The following HCN1 variants were observed in gnomAD, a reference collection of about 807,000 sequenced individuals.
The protein encoded by HCN1 is hyperpolarization activated cyclic nucleotide gated potassium channel 1, also known as potassium/sodium hyperpolarization-activated cyclic nucleotide-gated channel 1.
HCN1 carries 13 observed loss-of-function variants against 78.9 expected under a neutral mutation model. The observed-to-expected ratio is 0.16, with a 90% confidence interval of 0.11 to 0.26. The LOEUF (loss-of-function observed/expected upper bound fraction) is 0.26, where lower values mean the gene tolerates loss of function less well. HCN1 is among the 10% of genes least tolerant of loss of function. The pLI is 1.00. For synonymous variants in HCN1, 552 were observed against 455.5 expected, an observed-to-expected ratio of 1.21 and a Z score of -2.70; for missense variants, 810 against 1,154.3, an observed-to-expected ratio of 0.70 and a Z score of 4.32.
At chr5:45,670,220 G>T (rs1460041656) in intron 1 of HCN1, among the ~76,000 whole-genome samples, 1 of 151,454 alleles carries the variant, frequency 6.6e-6, no homozygotes, top group Non-Finnish European at 1.5e-5. Context: ...GGAACAAAGT[G>T]AAACAAACAA....
intron 5 of HCN1, among the ~76,000 whole-genome samples, chr5:45,320,055 T>G (rs1293751736): frequency 6.6e-6 from 1 of 151,842 alleles, no homozygotes; most frequent in Non-Finnish European, 1.5e-5. Flanking sequence ...AAATGAATCA[T>G]AGAGTAATCT....
intron 2 of HCN1, among the ~76,000 whole-genome samples, chr5:45,496,334 G>A (rs1479010291): frequency 6.6e-6 from 1 of 151,700 alleles, no homozygotes; most frequent in South Asian, 2.1e-4. Flanking sequence ...TCTTGGGAGA[G>A]TGTATGTGTC....
Position 45,695,955 on chromosome 5 carries a change from C to A in HCN1, c.139G>T (p.Gly47Trp). The change falls in exon 1 of 8, where the codon GGG (glycine) becomes TGG (tryptophan). Residue 47 changes from glycine (G) to tryptophan (W), a missense_variant. Physicochemically the swap from Gly to Trp is radical, Grantham distance 184 (BLOSUM62 -2). Coordinates refer to ENST00000303230, the MANE Select transcript of HCN1 (RefSeq NM_021072.4). Reference sequence around the variant, plus strand: ...TTGCCGTGCTCCTTCGCGCCGGCCCCGCCGCCCCCCGGCGGGGTGCCCAGG... The same window carrying A: ...TTGCCGTGCTCCTTCGCGCCGGCCCAGCCGCCCCCCGGCGGGGTGCCCAGG... ...KRLGTPPGGG[G>W]AGAKEHGNSV... The A allele has an allele frequency of 7.5e-7, 1 of 1,333,646 alleles. No homozygotes were observed. Among genetic ancestry groups the A allele is most frequent in the Non-Finnish European group, 9.5e-7 (1 of 1,050,716 alleles). 82.6% of individuals were successfully genotyped at this position (1,333,646 alleles called of 1,614,324 possible).
At chr5:45,281,516 T>C (rs555436099) in intron 6 of HCN1, among the ~76,000 whole-genome samples, 1 of 150,898 alleles carries the variant, frequency 6.6e-6, no homozygotes, top group Non-Finnish European at 1.5e-5. Flanking sequence ...GACTAATACA[T>C]ATGTGCAGAC....
At chr5:45,602,461 A>G (rs2111966138) in intron 2 of HCN1, among the ~76,000 whole-genome samples, 1 of 152,238 alleles carries the variant, frequency 6.6e-6, no homozygotes, top group East Asian at 1.9e-4. Context: ...AAACTGGCCG[A>G]CATCTTTATC....
At chr5:45,332,295 G>A (rs1224033789) in intron 5 of HCN1, among the ~76,000 whole-genome samples, 4 of 151,280 alleles carry the variant, frequency 2.6e-5, no homozygotes, top group Non-Finnish European at 5.9e-5. Context: ...ATGGAAAGTT[G>A]GGTATCCATC....
chr5:45,339,248 AT>A (rs1381041356), intron 5 of HCN1, among the ~76,000 whole-genome samples: 1 of 152,156 alleles, frequency 6.6e-6, no homozygotes, highest in African/African-American at 2.4e-5. Flanking sequence ...CAAGAAGCTC[AT>A]AGTCTTTAAA....
At chr5:45,281,807 T>A (rs1211756469) in intron 6 of HCN1, among the ~76,000 whole-genome samples, 1 of 151,836 alleles carries the variant, frequency 6.6e-6, no homozygotes, top group Non-Finnish European at 1.5e-5. Flanking sequence ...TTTGCCAGGA[T>A]GGTCTTGATC....
At chr5:45,556,153 G>T (rs965228064) in intron 2 of HCN1, among the ~76,000 whole-genome samples, 2 of 151,918 alleles carry the variant, frequency 1.3e-5, no homozygotes, top group African/African-American at 4.8e-5. Context: ...ACTGGGAAAA[G>T]ATTTTTTGAG....
chr5:45,687,110 G>A (rs571286573), intron 1 of HCN1, among the ~76,000 whole-genome samples: 30 of 152,166 alleles, frequency 2.0e-4, no homozygotes, highest in African/African-American at 3.1e-4. Context: ...TTGTTACATC[G>A]TCATTTACCT....
At chr5:45,630,118 C>A (rs1024256982) in intron 2 of HCN1, among the ~76,000 whole-genome samples, 2 of 152,146 alleles carry the variant, frequency 1.3e-5, no homozygotes, top group African/African-American at 4.8e-5. Context: ...CATATGGTAG[C>A]ACCATCATCG....
At chr5:45,510,525 A>G (rs1408589106) in intron 2 of HCN1, among the ~76,000 whole-genome samples, 1 of 152,090 alleles carries the variant, frequency 6.6e-6, no homozygotes, top group African/African-American at 2.4e-5. Flanking sequence ...ACACATAATC[A>G]TCTGAAGTGG....
chr5:45,537,765 G>A (rs1473708811), intron 2 of HCN1, among the ~76,000 whole-genome samples: 1 of 151,494 alleles, frequency 6.6e-6, no homozygotes, highest in African/African-American at 2.4e-5. Context: ...CTTCTTACTT[G>A]AGTATTTGAT....
At chr5:45,315,988 A>G (rs1745982015) in intron 5 of HCN1, among the ~76,000 whole-genome samples, 1 of 152,196 alleles carries the variant, frequency 6.6e-6, no homozygotes, top group South Asian at 2.1e-4. Context: ...CCAGAGGTAG[A>G]AGGAGGAGCT....
intron 2 of HCN1, among the ~76,000 whole-genome samples, chr5:45,612,589 T>C (rs1023036603): frequency 6.6e-6 from 1 of 152,208 alleles, no homozygotes; most frequent in African/African-American, 2.4e-5. Flanking sequence ...TTGGATTCCA[T>C]TGACTTGTAT....
At chr5:45,661,047 G>T (rs370488501) in intron 1 of HCN1, among the ~76,000 whole-genome samples, 8 of 129,010 alleles carry the variant, frequency 6.2e-5, no homozygotes. Context: ...TGACCACATA[G>T]TTGGAAGTAA....
chr5:45,661,001 AT>A lies in HCN1; in HGVS notation c.426-15394del, dbSNP rs1252003014. Among the ~76,000 whole-genome samples, 40 of 75,792 alleles carry A rather than the reference AT, an allele frequency of 5.3e-4. No homozygotes were observed. The East Asian group carries it at 0.011, about 21-fold the overall frequency. 49.7% of individuals were successfully genotyped at this position (75,792 alleles called of 152,430 possible). A position where few individuals can be genotyped will look rare whatever the true frequency, so the allele number is the denominator to read the frequency against. ...TCCACCCCAAATCAACAGAATATAC[AT>A]TTTTTTCAGCACCACACCACACCTA... is the stretch of plus-strand genomic sequence containing the variant. On this transcript the variant is annotated intron_variant, in intron 1 of 7. Coordinates refer to ENST00000303230, the MANE Select transcript of HCN1 (RefSeq NM_021072.4).
chr5:45,504,586 A>C (rs1742257471), intron 2 of HCN1, among the ~76,000 whole-genome samples: 1 of 152,194 alleles, frequency 6.6e-6, no homozygotes. Context: ...TTATAGCAGC[A>C]TGATTTATAA....
At chr5:45,272,125 A>G (rs1744972609) in intron 6 of HCN1, among the ~76,000 whole-genome samples, 1 of 152,138 alleles carries the variant, frequency 6.6e-6, no homozygotes, top group Non-Finnish European at 1.5e-5. Context: ...AGATTTCATG[A>G]ATTGAATGTC....
Sources: gnomAD v4.1 joint callset for allele counts (sites outside exome capture counted in the v4.1 genomes callset) on GRCh38, gnomAD v4.1.1 for gene constraint, MANE v1.5 for transcripts, NCBI Gene and HGNC (gene_info 2026-07-23, HGNC 2026-07-21) for gene names.